PPFIA2: variants seen among roughly 807,000 people sequenced by gnomAD.
PPFIA2 encodes PPFI scaffold protein A2.
A neutral mutation model predicts 175.5 loss-of-function variants in PPFIA2; 46 were observed. That is an observed-to-expected ratio of 0.26 (90% confidence interval 0.21 to 0.34). The LOEUF (loss-of-function observed/expected upper bound fraction) is 0.34, where lower values mean the gene tolerates loss of function less well. Among genes scored for constraint, PPFIA2 ranks in the 10% least tolerant of loss-of-function variants. The probability of loss-of-function intolerance (pLI) is 1.00; values close to 1 mark genes in which losing one functional copy is unlikely to be tolerated. For missense variants in PPFIA2, 1,179 were observed against 1,506.1 expected (o/e 0.78, Z 3.60); for synonymous variants, 568 against 511.4 (o/e 1.11, Z -1.49).
At chr12:81,636,517 G>T (rs2064071471) in intron 4 of PPFIA2, among the ~76,000 whole-genome samples, 1 of 150,354 alleles carries the variant, frequency 6.7e-6, no homozygotes, top group Non-Finnish European at 1.5e-5. Context: ...CGCCCGCCTC[G>T]GCCTCCCAAA....
intron 4 of PPFIA2, among the ~76,000 whole-genome samples, chr12:81,559,382 A>G (rs1567327576): frequency 2.0e-5 from 3 of 152,236 alleles, no homozygotes; most frequent in African/African-American, 7.2e-5. Flanking sequence ...ACATGACACA[A>G]TATTGTCATT....
chr12:81,469,226 C>T (rs976326636), intron 4 of PPFIA2, among the ~76,000 whole-genome samples: 3 of 152,164 alleles, frequency 2.0e-5, no homozygotes, highest in Non-Finnish European at 2.9e-5. Flanking sequence ...CTTGACAATG[C>T]ATTTCTCTCT....
intron 4 of PPFIA2, among the ~76,000 whole-genome samples, chr12:81,600,081 T>C (rs199898571): frequency 3.3e-5 from 5 of 151,960 alleles, no homozygotes; most frequent in East Asian, 1.9e-4. Flanking sequence ...TACTCTATTA[T>C]TTGGAAAGTA....
At chr12:81,471,772 A>G (rs1249887275) in intron 4 of PPFIA2, among the ~76,000 whole-genome samples, 1 of 152,122 alleles carries the variant, frequency 6.6e-6, no homozygotes, top group African/African-American at 2.4e-5. Flanking sequence ...AACAGTGAAT[A>G]TGGGTTTCAA....
chr12:81,392,837 T>G (rs1052124129), intron 8 of PPFIA2, among the ~76,000 whole-genome samples: 2 of 151,974 alleles, frequency 1.3e-5, no homozygotes, highest in African/African-American at 4.8e-5. Flanking sequence ...ACTTCACTTT[T>G]TCACTTTCTC....
At chr12:81,740,641 G>A (rs1597092493) in intron 3 of PPFIA2, among the ~76,000 whole-genome samples, 1 of 152,044 alleles carries the variant, frequency 6.6e-6, no homozygotes, top group Admixed American at 6.6e-5. Context: ...TTCTGTTACT[G>A]CATATAGAAT....
intron 7 of PPFIA2, among the ~76,000 whole-genome samples, chr12:81,423,394 C>T (rs1404125218): frequency 1.3e-5 from 2 of 152,002 alleles, no homozygotes; most frequent in African/African-American, 4.8e-5. Context: ...TTAAATAGAT[C>T]ACATATCATG....
intron 3 of PPFIA2, among the ~76,000 whole-genome samples, chr12:81,699,263 A>G (rs2076233100): frequency 6.6e-6 from 1 of 152,036 alleles, no homozygotes; most frequent in African/African-American, 2.4e-5. Flanking sequence ...TAGGGGTTTA[A>G]AAGTTTGATA....
At chr12:81,533,091 T>C (rs1257406441) in intron 4 of PPFIA2, among the ~76,000 whole-genome samples, 5 of 151,672 alleles carry the variant, frequency 3.3e-5, no homozygotes, top group African/African-American at 1.2e-4. Flanking sequence ...GTTTTAGAGC[T>C]CAGTTTCATA....
chr12:81,697,021 A>C (rs10862344), intron 3 of PPFIA2, among the ~76,000 whole-genome samples: 149,640 of 152,172 alleles, frequency 0.98, 73,628 homozygotes, highest in East Asian at 1. Context: ...ATGAGTCTAG[A>C]AGCTTCTTTG....
At chr12:81,447,091 G>T (rs537626685) in intron 5 of PPFIA2, among the ~76,000 whole-genome samples, 10 of 152,114 alleles carry the variant, frequency 6.6e-5, no homozygotes, top group African/African-American at 1.9e-4. Context: ...GAGGTCAGGA[G>T]ATCGAGACCA....
chr12:81,395,140 C>T (rs2040882352), intron 8 of PPFIA2, among the ~76,000 whole-genome samples: 1 of 151,836 alleles, frequency 6.6e-6, no homozygotes, highest in Non-Finnish European at 1.5e-5. Flanking sequence ...TTGCTGTAAT[C>T]CATATCAATA....
At chr12:81,376,112 T>C (rs1353563985) in intron 9 of PPFIA2, among the ~76,000 whole-genome samples, 170 bp from the exon 10 acceptor site, 1 of 152,236 alleles carries the variant, frequency 6.6e-6, no homozygotes. Context: ...GTTCCCAACT[T>C]AGCTATCAGA....
At chr12:81,712,278 G>T (rs139466860) in intron 3 of PPFIA2, among the ~76,000 whole-genome samples, 16 of 151,278 alleles carry the variant, frequency 1.1e-4, no homozygotes, top group African/African-American at 1.4e-4. Context: ...TAGAGAAATC[G>T]TTTTATAAAT....
intron 3 of PPFIA2, among the ~76,000 whole-genome samples, chr12:81,736,086 T>C (rs2081538453): frequency 6.6e-6 from 1 of 152,078 alleles, no homozygotes; most frequent in African/African-American, 2.4e-5. Flanking sequence ...TAAAATCACC[T>C]CATCCCTTCC....
In PPFIA2 at chr12:81,530,563, G is replaced by A. The variant is rs190736311; in HGVS notation, c.304-72697C>T. 1.4e-3 allele frequency among the ~76,000 whole-genome samples: 217 copies of A among 151,884 alleles called. 2 individuals carry two copies. Among genetic ancestry groups the A allele is most frequent in the Middle Eastern group, 0.014 (4 of 294 alleles). ...GTTCAAGTTTATTATTTTAAAAGAG[G>A]GCGAAGTGTGGCAACTGGAATGAAC... On this transcript the variant is annotated intron_variant, in intron 4 of 32. Transcript: ENST00000549396.
chr12:81,758,940 G>GGA (rs773316924), intron 1 of PPFIA2, among the ~76,000 whole-genome samples: 4 of 152,120 alleles, frequency 2.6e-5, no homozygotes, highest in Non-Finnish European at 4.4e-5. Context: ...GAAGTATCTG[G>GGA]GAGAGAAGTT....
intron 15 of PPFIA2, among the ~76,000 whole-genome samples, chr12:81,362,415 C>G (rs1238941966): frequency 6.6e-6 from 1 of 151,060 alleles, no homozygotes; most frequent in Non-Finnish European, 1.5e-5. Flanking sequence ...AGTTCAATTT[C>G]TTCAATTAAG....
intron 7 of PPFIA2, chr12:81,417,193 T>A (rs1207163841): frequency 6.6e-6 from 1 of 151,752 alleles, no homozygotes; most frequent in African/African-American, 2.4e-5. Flanking sequence ...TCTGCTTTAA[T>A]AATCCAAACA....
Sources: allele counts gnomAD v4.1 joint callset (sites outside exome capture counted in the v4.1 genomes callset), GRCh38; gene constraint gnomAD v4.1.1; transcripts MANE v1.5; gene names NCBI Gene and HGNC (gene_info 2026-07-23, HGNC 2026-07-21).